The following PDGFRL variants were observed in gnomAD, a reference collection of about 807,000 sequenced individuals.
The protein encoded by PDGFRL is platelet-derived growth factor receptor-like protein.
Under a neutral mutation model 37.2 loss-of-function variants are expected in PDGFRL, and 46 were observed. The observed-to-expected ratio is 1.24, with a 90% CI of 0.98 to 1.58. PDGFRL has a LOEUF of 1.58. Ranked by LOEUF, PDGFRL falls within the 40% of genes most tolerant of loss-of-function variation. The pLI, the probability that PDGFRL is intolerant of heterozygous loss-of-function variation, is 0.00. For missense variants in PDGFRL, 692 were observed against 467.6 expected (o/e 1.48, Z -4.43); for synonymous variants, 251 against 184.3 (o/e 1.36, Z -2.93).
At position 17,628,733 on chromosome 8, in the gene PDGFRL, G is replaced by C. The variant is rs771896763; in HGVS notation, c.752G>C (p.Gly251Ala). 1.2e-6 allele frequency: 2 copies of C among 1,614,068 alleles called. No individual in the cohort carries two copies. Among genetic ancestry groups the C allele is most frequent in the Admixed American group, 1.7e-5 (1 of 60,024 alleles). Residue 251 changes from glycine to alanine, a missense_variant, in exon 4 of 6, where the codon GGG becomes GCG. Coordinates refer to ENST00000251630, the MANE Select transcript of PDGFRL (RefSeq NM_001372073.1). ...QGVVYCRAEA[G>A]GRSQISVKYQ... ...GTGGTTTACTGCAGGGCGGAGGCCG[G>C]GGGCAGATCTCAGATCTCCGTCAAG...
chr8:17,580,505 CAA>C (rs3837211), intron 1 of PDGFRL, among the ~76,000 whole-genome samples: 40,793 of 151,864 alleles, frequency 0.27, 5,677 homozygotes, highest in Middle Eastern at 0.39. Flanking sequence ...AGTTTGAGGG[CAA>C]GAGAGAGAGA....
At chr8:17,634,270 C>T (rs2129829097) in intron 5 of PDGFRL, 57 bp downstream of exon 5, 3 of 1,424,416 alleles carry the variant, frequency 2.1e-6, no homozygotes, top group Non-Finnish European at 2.9e-6. Context: ...TCTCAGCCAG[C>T]CATTTTAATT....
At position 17,604,426 on chromosome 8, in the gene PDGFRL, T is replaced by A. The variant is rs59037897; in HGVS notation, c.353+14661T>A. Among the ~76,000 whole-genome samples, 497 of 152,310 alleles carry A rather than the reference T, an allele frequency of 3.3e-3. 2 individuals are homozygous for A. Among genetic ancestry groups the A allele is most frequent in the African/African-American group, 0.011 (457 of 41,558 alleles). On this transcript the variant is annotated intron_variant, in intron 2 of 5. Transcript: ENST00000251630. ...AGCCATGAAAAATGATGAGTTCATG[T>A]CCTTTGTAGGGACATGGATGAAGCT...
At chr8:17,593,161 T>A (rs1803978687) in intron 2 of PDGFRL, among the ~76,000 whole-genome samples, 1 of 152,150 alleles carries the variant, frequency 6.6e-6, no homozygotes, top group African/African-American at 2.4e-5. Context: ...GTGAATCCGT[T>A]CTTCCTGTTT....
At chr8:17,614,642 A>C (rs1296273709) in intron 2 of PDGFRL, among the ~76,000 whole-genome samples, 1 of 152,194 alleles carries the variant, frequency 6.6e-6, no homozygotes, top group African/African-American at 2.4e-5. Flanking sequence ...GTAGTGGCAC[A>C]ATCCTAGGTC....
At chr8:17,587,390 T>C (rs374795204) in intron 1 of PDGFRL, among the ~76,000 whole-genome samples, 9 of 152,290 alleles carry the variant, frequency 5.9e-5, no homozygotes, top group South Asian at 4.1e-4. Flanking sequence ...GATTTACAGA[T>C]GGTTATTGTC....
intron 5 of PDGFRL, among the ~76,000 whole-genome samples, chr8:17,635,674 A>G (rs1049823586): frequency 5.9e-5 from 9 of 152,142 alleles, no homozygotes; most frequent in Non-Finnish European, 1.3e-4. Flanking sequence ...TGGTGGTTCT[A>G]CTTTTAGTTC....
intron 2 of PDGFRL, among the ~76,000 whole-genome samples, chr8:17,613,384 A>G (rs1055978632): frequency 6.6e-6 from 1 of 152,206 alleles, no homozygotes; most frequent in Non-Finnish European, 1.5e-5. Context: ...ACAGAGGGTC[A>G]AAAAGAATGA....
In PDGFRL at chr8:17,577,263, G is replaced by A. The variant is rs1326526690; in HGVS notation, c.11G>A (p.Trp4Ter). ...TCCGAGGTTCCCGAGATGAAGGTCT[G>A]GCTGCTGCTTGGTCTTCTGCTGGTG... MKV[W>*]LLLGLLLVHE... Residue 4 changes from tryptophan (W) to a stop codon, truncating the protein, a stop_gained, in exon 1 of 6, where the codon TGG (tryptophan) becomes TAG (stop). Coordinates refer to ENST00000251630, the MANE Select transcript of PDGFRL (RefSeq NM_001372073.1). LOFTEE classifies it high-confidence loss of function. 1 of 1,612,900 alleles carries A rather than the reference G, an allele frequency of 6.2e-7. No individual in the cohort carries two copies. Among genetic ancestry groups the A allele is most frequent in the South Asian group, 1.1e-5 (1 of 90,778 alleles).
At chr8:17,620,949 A>T (rs1195223167) in intron 2 of PDGFRL, 102 bp from the exon 3 acceptor site, 3 of 654,176 alleles carry the variant, frequency 4.6e-6, no homozygotes, top group Middle Eastern at 8.7e-4. Context: ...TCGGAGAAAG[A>T]TTGGGGCAAG....
intron 2 of PDGFRL, among the ~76,000 whole-genome samples, chr8:17,600,221 G>A (rs1057144727): frequency 2.0e-5 from 3 of 152,050 alleles, no homozygotes; most frequent in African/African-American, 4.8e-5. Flanking sequence ...TCCAGAGTTC[G>A]CTTTTCCATG....
At chr8:17,633,675 G>T (rs1804906669) in intron 4 of PDGFRL, among the ~76,000 whole-genome samples, 1 of 152,118 alleles carries the variant, frequency 6.6e-6, no homozygotes, top group Admixed American at 6.5e-5. Context: ...CGTCTTCTGC[G>T]GATGGTCAGC....
intron 5 of PDGFRL, among the ~76,000 whole-genome samples, chr8:17,642,096 C>G (rs1056563616): frequency 6.6e-6 from 1 of 152,296 alleles, no homozygotes; most frequent in Admixed American, 6.5e-5. Flanking sequence ...TACAACTTTT[C>G]TCCCACTAGA....
intron 5 of PDGFRL, among the ~76,000 whole-genome samples, chr8:17,639,877 A>G (rs747834100): frequency 3.9e-5 from 6 of 152,178 alleles, no homozygotes; most frequent in Non-Finnish European, 7.3e-5. Flanking sequence ...ATGTCTTTCA[A>G]ACTTTTAGAT....
chr8:17,586,720 A>C lies in PDGFRL; in HGVS notation c.56-2748A>C, dbSNP rs185631424. On this transcript the variant is annotated intron_variant, in intron 1 of 5. Transcript: ENST00000251630. ...TAATTTCAGCAGTTTTGACATATTA[A>C]CTCATTTAACTCCCACAGTAATTAT... 1.8e-3 allele frequency among the ~76,000 whole-genome samples: 278 copies of C among 152,292 alleles called. 8 individuals are homozygous for C. In the South Asian group the frequency reaches 0.032, roughly 17 times the overall value.
chr8:17,606,692 C>T (rs1274186871), intron 2 of PDGFRL, among the ~76,000 whole-genome samples: 3 of 44,936 alleles, frequency 6.7e-5, no homozygotes, highest in African/African-American at 9.8e-5. Flanking sequence ...AGCTATGTTC[C>T]GTTCAGGACA....
At chr8:17,639,949 C>T (rs28883575) in intron 5 of PDGFRL, among the ~76,000 whole-genome samples, 3,602 of 152,270 alleles carry the variant, frequency 0.024, 159 homozygotes, top group African/African-American at 0.082. Context: ...TAATCCCAAA[C>T]ATCTTGGAGG....
rs530439666 is a variant in PDGFRL at position 17,596,079 on chromosome 8, G to A, written c.353+6314G>A. On this transcript the variant is annotated intron_variant, in intron 2 of 5. Coordinates refer to ENST00000251630, the MANE Select transcript of PDGFRL (RefSeq NM_001372073.1). ...GGTATCACACAGCTGGCAGCCAATGGGAAGCAACCAGCCAGGAAGCCCCAG... is the reference window on the plus strand; with the variant it reads ...GGTATCACACAGCTGGCAGCCAATGAGAAGCAACCAGCCAGGAAGCCCCAG... Among the ~76,000 whole-genome samples, 4 of 152,206 alleles carry A rather than the reference G, an allele frequency of 2.6e-5. 1 individual carries two copies. The Middle Eastern group carries it at 0.014, about 518-fold the overall frequency.
At chr8:17,596,304 G>T in intron 2 of PDGFRL, 1 of 1,198,028 alleles carries the variant, frequency 8.3e-7, no homozygotes, top group Non-Finnish European at 1.1e-6. Flanking sequence ...CGGCTGCCAG[G>T]CTGCTCACAG....
Sources: allele counts gnomAD v4.1 joint callset (sites outside exome capture counted in the v4.1 genomes callset), GRCh38; gene constraint gnomAD v4.1.1; transcripts MANE v1.5; gene names NCBI Gene and HGNC (gene_info 2026-07-23, HGNC 2026-07-21).